Variants in USP39 observed in about 807,000 individuals in gnomAD.
The protein encoded by USP39 is ubiquitin specific peptidase 39.
Under a neutral mutation model 66.4 loss-of-function variants are expected in USP39, and 38 were observed. That is an observed-to-expected ratio of 0.57 (90% CI 0.44 to 0.75). USP39 has a LOEUF of 0.75. Among genes scored for constraint, USP39 ranks in the 30% least tolerant of loss-of-function variants. USP39 has a pLI of 0.00. For synonymous variants in USP39, 303 were observed against 274.6 expected (o/e 1.10, Z -1.02); for missense variants, 608 against 714.4 (o/e 0.85, Z 1.70).
upstream of USP39, chr2:85,611,120 G>C: frequency 2.7e-6 from 1 of 364,086 alleles, no homozygotes; most frequent in Non-Finnish European, 4.1e-6. Flanking sequence ...CACGCCTGTG[G>C]TCCCAGGTAC....
intron 9 of USP39, among the ~76,000 whole-genome samples, chr2:85,640,618 TA>T (rs34064129): frequency 0.017 from 2,325 of 139,258 alleles, 53 homozygotes; most frequent in African/African-American, 0.06. Context: ...TATATATATA[TA>T]TTTTTTTTTT....
In USP39 at chr2:85,641,130, C is replaced by T; in HGVS notation, c.1427+12C>T. The T allele has an allele frequency of 1.9e-6, 3 of 1,611,460 alleles. No homozygotes were observed. The highest frequency in any genetic ancestry group is 1.1e-5 in the South Asian group (1 of 90,270). ...AATTTCCCTATTACGTAAGTAACAT[C>T]CTGCCTCACTTCTCTCACGGGGAGT... On this transcript the variant is annotated intron_variant, in intron 10 of 12. Transcript: ENST00000323701.
Position 85,616,349 on chromosome 2 carries a change from C to A in USP39, c.154C>A (p.Arg52=), listed in dbSNP as rs371770177. 14 of 1,601,494 alleles carry A rather than the reference C, an allele frequency of 8.7e-6. No individual in the cohort carries two copies. In the African/African-American group the frequency reaches 1.9e-4, roughly 22 times the overall value. The part of the protein sequence containing the change: ...SSRGSPVRVK[R]EFEPASAREA... ...CCGGGGCAGCCCTGTGCGCGTGAAG[C>A]GGGAGTTCGAGCCGGCGAGCGCGCG... Residue 52 remains arginine, a synonymous_variant, in exon 1 of 13, where the codon CGG becomes AGG. Coordinates refer to ENST00000323701, the MANE Select transcript of USP39 (RefSeq NM_006590.4).
At chr2:85,646,185 T>G (rs1037045641) in intron 11 of USP39, 4 of 152,224 alleles carry the variant, frequency 2.6e-5, no homozygotes, top group African/African-American at 9.6e-5. Flanking sequence ...GAGGCTCCCT[T>G]TCATCTTAAA....
chr2:85,627,276 T>C (rs892384512), intron 5 of USP39, among the ~76,000 whole-genome samples: 1 of 151,300 alleles, frequency 6.6e-6, no homozygotes, highest in African/African-American at 2.4e-5. Context: ...TTTGTATTTT[T>C]AGTAGAGATG....
intron 9 of USP39, 131 bp from the exon 10 acceptor site, chr2:85,640,845 G>T (rs1181795670): frequency 1.6e-6 from 1 of 644,646 alleles, no homozygotes; most frequent in East Asian, 3.2e-5. Flanking sequence ...TAATTTCTCG[G>T]ACCAGGAGTC....
At chr2:85,640,918 C>T in intron 9 of USP39, 58 bp from the exon 10 acceptor site, 3 of 1,507,336 alleles carry the variant, frequency 2.0e-6, no homozygotes, top group Non-Finnish European at 2.7e-6. Flanking sequence ...ACTCATGCCC[C>T]TGCTCTAATA....
chr2:85,637,485 G>A, intron 8 of USP39, 49 bp downstream of exon 8: 2 of 1,589,638 alleles, frequency 1.3e-6, no homozygotes, highest in Non-Finnish European at 1.7e-6. Flanking sequence ...TGCTTGAGGG[G>A]ACGTAGGGGA....
intron 6 of USP39, among the ~76,000 whole-genome samples, chr2:85,634,802 G>A (rs936986150): frequency 6.6e-6 from 1 of 152,206 alleles, no homozygotes; most frequent in Non-Finnish European, 1.5e-5. Context: ...TGAATGGATG[G>A]ATGAGTGTCA....
upstream of USP39, chr2:85,611,145 C>T: frequency 6.9e-6 from 4 of 578,736 alleles, no homozygotes; most frequent in Non-Finnish European, 9.2e-6. Flanking sequence ...GAGGCTAAGG[C>T]TGCAGTAAGC....
At chr2:85,612,211 GT>G (rs1032323804), upstream of USP39, 16 of 1,233,832 alleles carry the variant, frequency 1.3e-5, no homozygotes, top group Non-Finnish European at 1.7e-5. Flanking sequence ...GAGGGCTTTT[GT>G]TTTTGTTTTT....
At chr2:85,646,905 T>TTA (rs1469050885) in intron 11 of USP39, among the ~76,000 whole-genome samples, 3 of 144,618 alleles carry the variant, frequency 2.1e-5, no homozygotes, top group African/African-American at 7.9e-5. Context: ...TTTTTTTTTT[T>TTA]AAGACAGAGT....
intron 4 of USP39, among the ~76,000 whole-genome samples, chr2:85,624,384 C>T (rs996885611): frequency 1.3e-5 from 2 of 151,696 alleles, no homozygotes; most frequent in South Asian, 2.1e-4. Context: ...CTCACTTTGT[C>T]GCTCAGGCTG....
intron 5 of USP39, among the ~76,000 whole-genome samples, chr2:85,630,192 A>AT (rs1427054333): frequency 2.0e-5 from 3 of 151,278 alleles, no homozygotes; most frequent in African/African-American, 7.3e-5. Flanking sequence ...AGCTCCCTAT[A>AT]TTTACTTTTA....
In USP39 at chr2:85,641,053, C is replaced by T. The variant is rs745461725; in HGVS notation, c.1362C>T (p.Ile454=). ...TGCCTCCATATCTAATCTTTTGTAT[C>T]AAGAGATTCACTAAGAACAACTTCT... ...TKLPPYLIFC[I]KRFTKNNFFV... is the part of the protein sequence containing the mutation. Residue 454 remains isoleucine (I), a synonymous_variant, in exon 10 of 13, where the codon ATC becomes ATT. Transcript: ENST00000323701. 6.2e-7 allele frequency: 1 copy of T among 1,613,772 alleles called. No homozygotes were observed. Among genetic ancestry groups the T allele is most frequent in the South Asian group, 1.1e-5 (1 of 90,992 alleles).
At chr2:85,618,409 A>C (rs1163033451) in intron 1 of USP39, among the ~76,000 whole-genome samples, 2 of 151,914 alleles carry the variant, frequency 1.3e-5, no homozygotes, top group Admixed American at 1.3e-4. Context: ...TAAAAGTATG[A>C]AAATTAGCTG....
chr2:85,624,712 C>T (rs977663577), intron 4 of USP39, among the ~76,000 whole-genome samples: 7 of 152,000 alleles, frequency 4.6e-5, no homozygotes, highest in African/African-American at 1.5e-4. Flanking sequence ...ACCTGTAATC[C>T]CAGCACTTTG....
chr2:85,607,174 CAAATGTATTTCCAGACT>C (rs2104136059), upstream of USP39: 1 of 152,286 alleles, frequency 6.6e-6, no homozygotes, highest in Non-Finnish European at 1.5e-5. Context: ...AAACAGACCT[CAAATGTATTTCCAGACT>C]AAAAAGCCAG....
chr2:85,631,049 CTG>C (rs1675287971), intron 6 of USP39, 103 bp downstream of exon 6: 1 of 1,053,924 alleles, frequency 9.5e-7, no homozygotes, highest in Non-Finnish European at 1.4e-6. Context: ...GAGTCTCACT[CTG>C]TCACCCAGGC....
Sources: allele counts gnomAD v4.1 joint callset (sites outside exome capture counted in the v4.1 genomes callset), GRCh38; gene constraint gnomAD v4.1.1; transcripts MANE v1.5; gene names NCBI Gene and HGNC (gene_info 2026-07-23, HGNC 2026-07-21).